The following DAP3 variants were observed in gnomAD, a reference collection of about 807,000 sequenced individuals.
DAP3 encodes the protein small ribosomal subunit protein mS29.
Under a neutral mutation model 51.9 loss-of-function variants are expected in DAP3, and 28 were observed. That is an observed-to-expected ratio of 0.54 (90% CI 0.40 to 0.74). DAP3 has a LOEUF of 0.74. Among genes scored for constraint, DAP3 ranks in the 30% least tolerant of loss-of-function variants. The pLI, the probability that DAP3 is intolerant of heterozygous loss-of-function variation, is 0.00. For missense variants in DAP3, 458 were observed against 483.5 expected, an observed-to-expected ratio of 0.95 and a Z score of 0.49; for synonymous variants, 170 against 170.3, an observed-to-expected ratio of 1.00 and a Z score of 0.01.
chr1:155,702,930 C>G (rs1298403999), intron 1 of DAP3, among the ~76,000 whole-genome samples: 1 of 152,080 alleles, frequency 6.6e-6, no homozygotes, highest in Admixed American at 6.6e-5. Context: ...GATGGTGCCA[C>G]TGCATTCCAG....
At chr1:155,714,118 G>C (rs573251617) in intron 2 of DAP3, among the ~76,000 whole-genome samples, 2 of 152,280 alleles carry the variant, frequency 1.3e-5, no homozygotes, top group South Asian at 4.1e-4. Context: ...GTTTCAGCAT[G>C]GTCATATGGT....
chr1:155,696,128 T>TAG (rs1654478516), intron 1 of DAP3, among the ~76,000 whole-genome samples: 2 of 152,202 alleles, frequency 1.3e-5, no homozygotes, highest in Non-Finnish European at 2.9e-5. Flanking sequence ...CTGATCTACA[T>TAG]AGACTGTAAG....
chr1:155,690,286 T>A (rs773529802), intron 1 of DAP3, among the ~76,000 whole-genome samples: 9 of 141,590 alleles, frequency 6.4e-5, no homozygotes, highest in Non-Finnish European at 1.3e-4. Context: ...GCGCAGTGGC[T>A]CACACCTGTA....
upstream of DAP3, chr1:155,688,922 C>T: frequency 6.2e-7 from 1 of 1,613,204 alleles, no homozygotes; most frequent in Non-Finnish European, 8.5e-7. Context: ...AGTCCCATGA[C>T]AACCTACCTC....
chr1:155,703,287 C>T (rs1655538694), intron 1 of DAP3, among the ~76,000 whole-genome samples: 1 of 152,164 alleles, frequency 6.6e-6, no homozygotes, highest in African/African-American at 2.4e-5. Flanking sequence ...ACAATCATGG[C>T]AGAAGGCAAC....
At chr1:155,713,030 T>C (rs1656908180) in intron 2 of DAP3, among the ~76,000 whole-genome samples, 1 of 152,234 alleles carries the variant, frequency 6.6e-6, no homozygotes, top group Non-Finnish European at 1.5e-5. Context: ...GTATGTGTTT[T>C]GCTTTGTTTT....
At chr1:155,708,820 T>C (rs1260375160) in intron 1 of DAP3, among the ~76,000 whole-genome samples, 1 of 151,074 alleles carries the variant, frequency 6.6e-6, no homozygotes, top group African/African-American at 2.4e-5. Context: ...TTCTCCTGCC[T>C]CAGCCTCCCA....
At chr1:155,729,807 G>A (rs116237120) in intron 9 of DAP3, among the ~76,000 whole-genome samples, 2,396 of 152,138 alleles carry the variant, frequency 0.016, 34 homozygotes, top group Middle Eastern at 0.027. Context: ...ATATGGCTGG[G>A]CACAGTGGCT....
intron 2 of DAP3, among the ~76,000 whole-genome samples, chr1:155,714,635 G>T (rs1657114973): frequency 6.6e-6 from 1 of 152,010 alleles, no homozygotes; most frequent in South Asian, 2.1e-4. Flanking sequence ...CGTGATGGCG[G>T]GCGCCTGTAA....
intron 2 of DAP3, among the ~76,000 whole-genome samples, chr1:155,715,005 C>T (rs1657157955): frequency 1.3e-5 from 2 of 151,580 alleles, no homozygotes; most frequent in Admixed American, 6.6e-5. Flanking sequence ...GAGTTTGAGA[C>T]CAGCCTGGCC....
chr1:155,734,514 G>A (rs1571572809), intron 11 of DAP3, among the ~76,000 whole-genome samples: 1 of 152,036 alleles, frequency 6.6e-6, no homozygotes, highest in East Asian at 1.9e-4. Context: ...TTTCTGTCAT[G>A]AGAATATGTT....
At chr1:155,712,481 G>A (rs180690172) in intron 2 of DAP3, among the ~76,000 whole-genome samples, 42 of 152,072 alleles carry the variant, frequency 2.8e-4, no homozygotes, top group Non-Finnish European at 5.1e-4. Flanking sequence ...GCGCGGTGGC[G>A]CATGCCTGTA....
chr1:155,702,467 C>T (rs188943800), intron 1 of DAP3, among the ~76,000 whole-genome samples: 49 of 151,914 alleles, frequency 3.2e-4, no homozygotes, highest in Middle Eastern at 3.4e-3. Flanking sequence ...GGGGACAGAG[C>T]GAGACTCTGG....
At chr1:155,733,839 GAAAAACA>G (rs1659489551) in intron 11 of DAP3, among the ~76,000 whole-genome samples, 1 of 150,880 alleles carries the variant, frequency 6.6e-6, no homozygotes, top group African/African-American at 2.4e-5. Flanking sequence ...TCCGTCTCAA[GAAAAACA>G]AAAAACAAAA....
At chr1:155,709,692 A>T in intron 1 of DAP3, 81 bp from the exon 2 acceptor site, 1 of 1,187,036 alleles carries the variant, frequency 8.4e-7, no homozygotes, top group Non-Finnish European at 1.2e-6. Flanking sequence ...AATCCCTATT[A>T]ATCTATTGTC....
In DAP3 at chr1:155,738,147, T is replaced by TC; in HGVS notation, c.1112-8dup. On this transcript the variant is annotated splice_polypyrimidine_tract_variant and intron_variant, in intron 12 of 12. Transcript: ENST00000368336. ...AAACTGCCACTTACCTGTGTTTGTC[T>TC]CCATTTTAGCTCCTACAGAAGAAGG... 1 of 1,614,110 alleles carries TC rather than the reference T, an allele frequency of 6.2e-7. No homozygotes were observed. The highest frequency in any genetic ancestry group is 8.5e-7 in the Non-Finnish European group (1 of 1,179,974).
At chr1:155,719,223 C>T (rs1204260233) in intron 3 of DAP3, among the ~76,000 whole-genome samples, 1 of 129,932 alleles carries the variant, frequency 7.7e-6, no homozygotes, top group African/African-American at 2.9e-5. Flanking sequence ...AAGACCCTAA[C>T]TCTAAAACAA....
In DAP3 at chr1:155,721,680, G is replaced by C. The variant is rs751549728; in HGVS notation, c.270+62G>C. 5 of 1,517,170 alleles carry C rather than the reference G, an allele frequency of 3.3e-6. No individual in the cohort carries two copies. In the African/African-American group the frequency reaches 5.5e-5, roughly 17 times the overall value. The allele number at this position is 1,517,170 out of a possible 1,614,324, so 94.0% of individuals were successfully genotyped here. ...GAATACAAGCTGCTGCTAGCAAAGG[G>C]GTGGGGCTAAATGAGAAGAAAATTT... is the stretch of plus-strand genomic sequence containing the variant. On this transcript the variant is annotated intron_variant, in intron 4 of 12. Coordinates refer to ENST00000368336, the MANE Select transcript of DAP3 (RefSeq NM_004632.4).
chr1:155,701,016 C>T (rs1655186208), intron 1 of DAP3, among the ~76,000 whole-genome samples: 3 of 129,292 alleles, frequency 2.3e-5, no homozygotes, highest in Admixed American at 1.4e-4. Context: ...GGGGTCAGCC[C>T]CCCGCCCGGC....
Sources: gnomAD v4.1 joint callset for allele counts (sites outside exome capture counted in the v4.1 genomes callset) on GRCh38, gnomAD v4.1.1 for gene constraint, MANE v1.5 for transcripts, NCBI Gene and HGNC (gene_info 2026-07-23, HGNC 2026-07-21) for gene names.